The following TMEM132C variants were observed in gnomAD, a reference collection of about 807,000 sequenced individuals.
TMEM132C encodes protein phosphatase 1, regulatory subunit 152.
TMEM132C carries 29 observed loss-of-function variants against 61.4 expected under a neutral mutation model. That is an observed-to-expected ratio of 0.47 (90% CI 0.35 to 0.64). The LOEUF (loss-of-function observed/expected upper bound fraction) is 0.64, where lower values mean the gene tolerates loss of function less well. TMEM132C is among the 30% of genes least tolerant of loss of function. The probability of loss-of-function intolerance (pLI) is 0.00; values close to 1 mark genes in which losing one functional copy is unlikely to be tolerated. For synonymous variants in TMEM132C, 656 were observed against 633.1 expected, an observed-to-expected ratio of 1.04 and a Z score of -0.54; for missense variants, 1,408 against 1,476.9, an observed-to-expected ratio of 0.95 and a Z score of 0.76.
intron 2 of TMEM132C, among the ~76,000 whole-genome samples, chr12:128,508,422 C>G (rs147669465): frequency 9.0e-4 from 137 of 152,322 alleles, no homozygotes; most frequent in Non-Finnish European, 1.7e-3. Flanking sequence ...TCCACCTGCT[C>G]TACGGCCCTC....
intron 1 of TMEM132C, among the ~76,000 whole-genome samples, chr12:128,317,421 A>C (rs1347975859): frequency 6.6e-6 from 1 of 152,238 alleles, no homozygotes. Context: ...TGAAACATGA[A>C]GGAAGAAAAC....
Position 128,338,757 on chromosome 12 carries a change from A to AATATATATATATATATATATATATAT in TMEM132C, c.85+71290_85+71291insATATATATATATATATATATATATAT, listed in dbSNP as rs59699427. ...TCCTTTCTTGTTTTCCTTCTGCAGA[A>AATATATATATATATATATATATATAT]ATATATATATATATATATATTTTGC... is the stretch of plus-strand genomic sequence containing the variant. On this transcript the variant is annotated intron_variant, in intron 1 of 8. Coordinates refer to ENST00000435159, the MANE Select transcript of TMEM132C (RefSeq NM_001136103.3). Among the ~76,000 whole-genome samples, 278 of 138,520 alleles carry AATATATATATATATATATATATATAT rather than the reference A, an allele frequency of 2.0e-3. 12 individuals are homozygous for AATATATATATATATATATATATATAT. The highest frequency in any genetic ancestry group is 8.2e-3 in the African/African-American group (257 of 31,292). The allele number at this position is 138,520 out of a possible 152,430, so 90.9% of individuals were successfully genotyped here. A position where few individuals can be genotyped will look rare whatever the true frequency, so the allele number is the denominator to read the frequency against.
chr12:128,439,959 T>G (rs1416577219), intron 2 of TMEM132C, among the ~76,000 whole-genome samples: 7 of 152,238 alleles, frequency 4.6e-5, no homozygotes, highest in Non-Finnish European at 2.9e-5. Flanking sequence ...CTCGAGGGCA[T>G]GTCTGGCTGC....
chr12:128,603,110 G>A (rs1369373560), intron 3 of TMEM132C, among the ~76,000 whole-genome samples: 4 of 152,184 alleles, frequency 2.6e-5, no homozygotes, highest in Non-Finnish European at 5.9e-5. Context: ...TCTGCATCTA[G>A]GGGTCTTCAT....
chr12:128,499,353 A>G (rs769554514), intron 2 of TMEM132C, among the ~76,000 whole-genome samples: 3 of 152,188 alleles, frequency 2.0e-5, no homozygotes, highest in Non-Finnish European at 2.9e-5. Context: ...TAATGATCAA[A>G]TTAGGGTAAT....
rs147842890 is a variant in TMEM132C, at chr12:128,297,897, A to G, written c.85+30410A>G. 2.3e-3 allele frequency among the ~76,000 whole-genome samples: 351 copies of G among 152,342 alleles called. 1 individual carries two copies. The highest frequency in any genetic ancestry group is 8.0e-3 in the African/African-American group (334 of 41,576). On this transcript the variant is annotated intron_variant, in intron 1 of 8. Transcript: ENST00000435159. Reference sequence around the variant, plus strand: ...TAAAATAGTACTTAGCCATAAAGCAAATGGAAGAAAACCCAACAAAATATT... The same window carrying G: ...TAAAATAGTACTTAGCCATAAAGCAGATGGAAGAAAACCCAACAAAATATT...
At chr12:128,634,768 T>A (rs575938303) in intron 4 of TMEM132C, among the ~76,000 whole-genome samples, 139 of 152,352 alleles carry the variant, frequency 9.1e-4, no homozygotes, top group African/African-American at 2.9e-3. Context: ...CATTAGTTTT[T>A]CCTTCACCTG....
intron 3 of TMEM132C, among the ~76,000 whole-genome samples, chr12:128,564,283 G>A (rs1334243922): frequency 6.6e-6 from 1 of 152,128 alleles, no homozygotes; most frequent in African/African-American, 2.4e-5. Flanking sequence ...TGAATTTTAG[G>A]GGGGCACAGA....
chr12:128,553,163 G>A (rs1323431144), intron 3 of TMEM132C, among the ~76,000 whole-genome samples: 1 of 152,126 alleles, frequency 6.6e-6, no homozygotes, highest in Non-Finnish European at 1.5e-5. Flanking sequence ...AAAAGAAATT[G>A]CAAAACAATC....
chr12:128,629,893 G>A (rs1259655184), intron 4 of TMEM132C, among the ~76,000 whole-genome samples: 1 of 151,506 alleles, frequency 6.6e-6, no homozygotes, highest in African/African-American at 2.4e-5. Flanking sequence ...TTGAACCCGG[G>A]AGGCAGAGGT....
intron 2 of TMEM132C, among the ~76,000 whole-genome samples, chr12:128,436,877 C>T (rs1186759970): frequency 6.6e-6 from 1 of 152,154 alleles, no homozygotes; most frequent in Non-Finnish European, 1.5e-5. Flanking sequence ...TTCACAATAG[C>T]AAAGACTTGG....
intron 1 of TMEM132C, among the ~76,000 whole-genome samples, chr12:128,408,294 A>T (rs1868387114): frequency 6.6e-6 from 1 of 152,204 alleles, no homozygotes; most frequent in Non-Finnish European, 1.5e-5. Context: ...ACTTTTTTCC[A>T]GTTAAGAAAA....
chr12:128,310,363 A>G (rs1297784880), intron 1 of TMEM132C, among the ~76,000 whole-genome samples: 1 of 152,184 alleles, frequency 6.6e-6, no homozygotes, highest in East Asian at 1.9e-4. Flanking sequence ...TGGGTAATTT[A>G]TAAGAAGAGA....
intron 2 of TMEM132C, among the ~76,000 whole-genome samples, chr12:128,472,638 G>A (rs1870990528): frequency 6.6e-6 from 1 of 152,196 alleles, no homozygotes. Flanking sequence ...GAATTCCAAG[G>A]GGAGATAATA....
intron 1 of TMEM132C, among the ~76,000 whole-genome samples, chr12:128,295,773 T>TA (rs369608460): frequency 0.23 from 33,933 of 146,434 alleles, 4,228 homozygotes; most frequent in East Asian, 0.51. Flanking sequence ...AAGCACCAAT[T>TA]AAAAAAAAAA....
At chr12:128,327,279 C>T (rs1248216557) in intron 1 of TMEM132C, among the ~76,000 whole-genome samples, 4 of 150,184 alleles carry the variant, frequency 2.7e-5, no homozygotes, top group South Asian at 4.1e-4. Context: ...TTATTCTGAG[C>T]CAAACATGAG....
intron 5 of TMEM132C, among the ~76,000 whole-genome samples, chr12:128,672,458 A>G (rs751381009): frequency 1.1e-4 from 17 of 152,034 alleles, no homozygotes; most frequent in Non-Finnish European, 2.1e-4. Context: ...ATCCTTAACT[A>G]CTCTTAAGAC....
intron 4 of TMEM132C, among the ~76,000 whole-genome samples, chr12:128,621,858 C>T (rs964440880): frequency 3.3e-5 from 5 of 152,288 alleles, no homozygotes; most frequent in Admixed American, 3.3e-4. Context: ...TGGGGTGTTG[C>T]ACCATCCCTG....
chr12:128,304,531 C>A (rs1412054852), intron 1 of TMEM132C, among the ~76,000 whole-genome samples: 1 of 152,064 alleles, frequency 6.6e-6, no homozygotes, highest in Admixed American at 6.6e-5. Flanking sequence ...ATCGCTCGAA[C>A]CCAGGAGGTG....
Sources: gnomAD v4.1 joint callset for allele counts (sites outside exome capture counted in the v4.1 genomes callset) on GRCh38, gnomAD v4.1.1 for gene constraint, MANE v1.5 for transcripts, NCBI Gene and HGNC (gene_info 2026-07-23, HGNC 2026-07-21) for gene names.